KCNT1: variants seen among roughly 807,000 people sequenced by gnomAD.
The protein encoded by KCNT1 is potassium sodium-activated channel subfamily T member 1.
Under a neutral mutation model 147.8 loss-of-function variants are expected in KCNT1, and 78 were observed. The ratio of observed to expected loss-of-function variants is 0.53; its 90% CI spans 0.44 to 0.64. The LOEUF is 0.64. Ranked by LOEUF, KCNT1 falls within the 30% of genes least tolerant of loss-of-function variation. KCNT1 has a pLI of 0.00. For missense variants in KCNT1, 1,419 were observed against 1,750.3 expected, an observed-to-expected ratio of 0.81 and a Z score of 3.38; for synonymous variants, 867 against 748.8, an observed-to-expected ratio of 1.16 and a Z score of -2.58.
At chr9:135,761,898 C>A (rs558997432) in intron 11 of KCNT1, among the ~76,000 whole-genome samples, 1 of 152,250 alleles carries the variant, frequency 6.6e-6, no homozygotes, top group African/African-American at 2.4e-5. Context: ...TCTCCCCACC[C>A]CACACACCCC....
At chr9:135,726,763 C>CCG (rs1224989919) in intron 2 of KCNT1, among the ~76,000 whole-genome samples, 4 of 107,590 alleles carry the variant, frequency 3.7e-5, no homozygotes, top group African/African-American at 6.9e-5. Flanking sequence ...CTCTCTCCCT[C>CCG]TCTCTCTCTT....
At chr9:135,758,212 C>T (rs1163001287) in intron 9 of KCNT1, among the ~76,000 whole-genome samples, 1 of 146,192 alleles carries the variant, frequency 6.8e-6, no homozygotes, top group South Asian at 2.2e-4. Context: ...TCAGCCGAGA[C>T]GCAGGTGTGG....
At chr9:135,783,575 C>CG (rs544852883) in intron 24 of KCNT1, among the ~76,000 whole-genome samples, 43 of 152,330 alleles carry the variant, frequency 2.8e-4, no homozygotes, top group African/African-American at 1.0e-3. Context: ...AGCACAGGGA[C>CG]GGGGAGGCCA....
rs1277493926 is a variant in KCNT1 at position 135,786,217 on chromosome 9, G to A, written c.3198G>A (p.Val1066=). 1.2e-6 allele frequency: 2 copies of A among 1,611,026 alleles called. No individual in the cohort carries two copies. The highest frequency in any genetic ancestry group is 1.7e-6 in the Non-Finnish European group (2 of 1,179,438). ...CCCAGTCCCAGATCTCGGTGAACGT[G>A]GAGGACTGTGAGGACACACGGGAAG... ...LRAQSQISVN[V]EDCEDTREVK... is the part of the protein sequence containing the mutation. Residue 1066 remains valine (V), a synonymous_variant, in exon 29 of 31, where the codon GTG becomes GTA. Transcript: ENST00000371757.
chr9:135,729,568 T>C (rs915240283), intron 2 of KCNT1, among the ~76,000 whole-genome samples: 2 of 152,194 alleles, frequency 1.3e-5, no homozygotes, highest in Admixed American at 6.5e-5. Context: ...GATAAGTGGG[T>C]GCTGCTGTGA....
rs548819401 is a variant in KCNT1, at chr9:135,776,298, T to A, written c.2349+883T>A. 3.8e-4 allele frequency among the ~76,000 whole-genome samples: 58 copies of A among 152,240 alleles called. No individual in the cohort carries two copies. The South Asian group carries it at 0.011, about 29-fold the overall frequency. On this transcript the variant is annotated intron_variant, in intron 20 of 30. Coordinates refer to ENST00000371757, the MANE Select transcript of KCNT1 (RefSeq NM_020822.3). ...TTTAAGACGGGGTCCCACTCTGTCATCCAGGCTGGAGTGCAGTGGTGGGAT... is the reference window on the plus strand; with the variant it reads ...TTTAAGACGGGGTCCCACTCTGTCAACCAGGCTGGAGTGCAGTGGTGGGAT...
chr9:135,749,782 G>A (rs975006036), intron 2 of KCNT1, among the ~76,000 whole-genome samples: 11 of 152,232 alleles, frequency 7.2e-5, no homozygotes, highest in African/African-American at 1.2e-4. Flanking sequence ...AGGCTTGGGC[G>A]AGGGTGTGTG....
At chr9:135,777,895 T>TTCCCCCTCACTCCCAGC (rs1833289828) in intron 21 of KCNT1, among the ~76,000 whole-genome samples, 2 of 145,366 alleles carry the variant, frequency 1.4e-5, no homozygotes, top group South Asian at 4.5e-4. Context: ...CCACTCCCAG[T>TTCCCCCTCACTCCCAGC]TCCCCCTCAC....
rs186711445 is a variant in KCNT1, at chr9:135,791,278, T to G, written c.3503-519T>G. On this transcript the variant is annotated intron_variant, in intron 29 of 30. Transcript: ENST00000371757. ...GTGGATGTGGAGGACGGCATGCAGG[T>G]GTGTATATGAGTGAGTGTGCAGGGG... 1,074 of 154,408 alleles carry G rather than the reference T, an allele frequency of 7.0e-3. 18 individuals are homozygous for G. The highest frequency in any genetic ancestry group is 0.033 in the Admixed American group (506 of 15,364). The allele number at this position is 154,408 out of a possible 1,614,324, so 9.6% of individuals were successfully genotyped here. A position where few individuals can be genotyped will look rare whatever the true frequency, so the allele number is the denominator to read the frequency against.
intron 4 of KCNT1, 134 bp downstream of exon 4, chr9:135,751,175 A>G (rs1831141930): frequency 1.3e-6 from 1 of 790,552 alleles, no homozygotes; most frequent in Non-Finnish European, 2.1e-6. Context: ...TTCCTTCCCC[A>G]GTGCCTGTCC....
At chr9:135,782,274 T>C (rs1486112768) in intron 24 of KCNT1, among the ~76,000 whole-genome samples, 2 of 152,198 alleles carry the variant, frequency 1.3e-5, no homozygotes, top group Non-Finnish European at 2.9e-5. Context: ...CATCTCCCCT[T>C]GAGGGCTGGC....
In KCNT1 at chr9:135,750,187, G is replaced by A. The variant is rs185209587; in HGVS notation, c.334+10G>A. The A allele has an allele frequency of 5.3e-5, 85 of 1,610,264 alleles. 1 individual carries two copies. The African/African-American group carries it at 6.1e-4, about 12-fold the overall frequency. ...AAAAACCAAAGATCGAGTGAGTGGG[G>A]TGCCTGGAGGGCCACTCCCAGGCAG... On this transcript the variant is annotated intron_variant, in intron 3 of 30. Coordinates refer to ENST00000371757, the MANE Select transcript of KCNT1 (RefSeq NM_020822.3).
chr9:135,741,050 C>T (rs1348267311), intron 2 of KCNT1, among the ~76,000 whole-genome samples: 1 of 152,220 alleles, frequency 6.6e-6, no homozygotes, highest in African/African-American at 2.4e-5. Flanking sequence ...CCGCTGCCCT[C>T]CCCTTGGGAG....
chr9:135,788,025 G>T (rs565669140), intron 29 of KCNT1: 3 of 1,187,450 alleles, frequency 2.5e-6, no homozygotes, highest in South Asian at 1.2e-5. Context: ...CCACTGTGCC[G>T]GCCGCCCGCA....
intron 20 of KCNT1, among the ~76,000 whole-genome samples, chr9:135,775,662 T>C (rs1833114814): frequency 6.6e-6 from 1 of 152,208 alleles, no homozygotes; most frequent in African/African-American, 2.4e-5. Context: ...TTCTGAGCCA[T>C]CTTGAGAACA....
Position 135,772,722 on chromosome 9 carries a change from G to C in KCNT1, c.2016G>C (p.Val672=), listed in dbSNP as rs1297061478. The change falls in exon 19 of 31, where the codon GTG becomes GTC. Residue 672 remains valine (V), a synonymous_variant. Coordinates refer to ENST00000371757, the MANE Select transcript of KCNT1 (RefSeq NM_020822.3). ...VHSIIASMGT[V]AMDLQGTEHR... is the part of the protein sequence containing the mutation. ...CACAGGGCTCTCTTCCAGGGACAGTGGCCATGGACCTGCAGGGCACAGAGC... is the reference window on the plus strand; with the variant it reads ...CACAGGGCTCTCTTCCAGGGACAGTCGCCATGGACCTGCAGGGCACAGAGC... 1.4e-6 allele frequency: 2 copies of C among 1,402,364 alleles called. No homozygotes were observed. Among genetic ancestry groups the C allele is most frequent in the Non-Finnish European group, 1.9e-6 (2 of 1,074,942 alleles). The allele number at this position is 1,402,364 out of a possible 1,614,324, so 86.9% of individuals were successfully genotyped here. A position where few individuals can be genotyped will look rare whatever the true frequency, so the allele number is the denominator to read the frequency against.
At chr9:135,713,049 T>C (rs1185613471) in intron 1 of KCNT1, among the ~76,000 whole-genome samples, 3 of 152,172 alleles carry the variant, frequency 2.0e-5, no homozygotes, top group African/African-American at 7.2e-5. Flanking sequence ...AGACTGGGCC[T>C]TGAGGCCAGG....
In KCNT1 at chr9:135,759,749, A is replaced by G. The variant is rs779964634; in HGVS notation, c.925A>G (p.Ile309Val). ...LSLLTSFYFCIVTFSTVGYGD... is the reference protein window; with the variant it reads ...LSLLTSFYFCVVTFSTVGYGD... ...CCTCCTGACCTCCTTCTACTTCTGC[A>G]TCGTCACCTTCTCCACCGTGGGCTA... Residue 309 changes from isoleucine to valine, a missense_variant, in exon 11 of 31, where the codon ATC (isoleucine) becomes GTC (valine). Coordinates refer to ENST00000371757, the MANE Select transcript of KCNT1 (RefSeq NM_020822.3). 1.2e-6 allele frequency: 2 copies of G among 1,613,584 alleles called. No homozygotes were observed. Among genetic ancestry groups the G allele is most frequent in the Non-Finnish European group, 1.7e-6 (2 of 1,179,840 alleles).
rs1277256959 is a variant in KCNT1, at chr9:135,752,644, CGGACGGAT to C, written c.435-1281_435-1274del. 1.2e-4 allele frequency among the ~76,000 whole-genome samples: 17 copies of C among 139,340 alleles called. No individual in the cohort carries two copies. The East Asian group carries it at 2.4e-3, about 20-fold the overall frequency. The allele number at this position is 139,340 out of a possible 152,430, so 91.4% of individuals were successfully genotyped here. A position where few individuals can be genotyped will look rare whatever the true frequency, so the allele number is the denominator to read the frequency against. ...GGTGGATGATGGATGGATGGACGGA[CGGACGGAT>C]GGACGGATGGATGGAGTGGATGGAG... On this transcript the variant is annotated intron_variant, in intron 4 of 30. Coordinates refer to ENST00000371757, the MANE Select transcript of KCNT1 (RefSeq NM_020822.3). The surrounding 1 kb of genome is among the most constrained non-coding windows in gnomAD (Gnocchi z 5.1).
Sources: allele counts gnomAD v4.1 joint callset (sites outside exome capture counted in the v4.1 genomes callset), GRCh38; gene constraint gnomAD v4.1.1; non-coding constraint Gnocchi (gnomAD v3.1); transcripts MANE v1.5; gene names NCBI Gene and HGNC (gene_info 2026-07-23, HGNC 2026-07-21).